Variants in MTUS1 observed in about 807,000 individuals in gnomAD.
The protein encoded by MTUS1 is microtubule-associated tumor suppressor 1.
Under a neutral mutation model 120.8 loss-of-function variants are expected in MTUS1, and 109 were observed. The observed-to-expected ratio is 0.90, with a 90% CI of 0.77 to 1.06. The LOEUF is 1.06. Ranked by LOEUF, MTUS1 falls within the 50% of genes least tolerant of loss-of-function variation. MTUS1 has a pLI of 0.00. For missense variants in MTUS1, 2,210 were observed against 1,486.3 expected (o/e 1.49, Z -8.01); for synonymous variants, 737 against 550.5 (o/e 1.34, Z -4.74).
chr8:17,655,528 A>T (rs1808011454), intron 9 of MTUS1, among the ~76,000 whole-genome samples: 1 of 152,176 alleles, frequency 6.6e-6, no homozygotes, highest in South Asian at 2.1e-4. Context: ...GTTTGAGACC[A>T]GCCTGGCCAA....
intron 3 of MTUS1, among the ~76,000 whole-genome samples, chr8:17,728,652 A>G (rs571053679): frequency 1.6e-4 from 25 of 152,352 alleles, no homozygotes; most frequent in African/African-American, 6.0e-4. Flanking sequence ...TAGTAGGAAC[A>G]CAGGTGGGAA....
chr8:17,720,234 A>T (rs1178803110), intron 4 of MTUS1, among the ~76,000 whole-genome samples: 1 of 151,964 alleles, frequency 6.6e-6, no homozygotes, highest in Non-Finnish European at 1.5e-5. Flanking sequence ...AATCCCAGCT[A>T]CTTGGGAGGT....
intron 1 of MTUS1, among the ~76,000 whole-genome samples, chr8:17,760,573 A>G (rs893515910): frequency 3.3e-5 from 5 of 152,094 alleles, no homozygotes; most frequent in African/African-American, 1.2e-4. Flanking sequence ...AAAGTTGGCC[A>G]TTTTGTTTTA....
At chr8:17,688,784 G>A (rs1387889300) in intron 6 of MTUS1, among the ~76,000 whole-genome samples, 1 of 152,170 alleles carries the variant, frequency 6.6e-6, no homozygotes, top group Non-Finnish European at 1.5e-5. Flanking sequence ...CTCTAAAAGA[G>A]TTAACAGTAA....
rs1410052268 is a variant in MTUS1, at chr8:17,801,060, C to A, written c.-155+1G>T. ...GGGAACAGATTCCAGCGCGCACTTA[C>A]CCGCAGCTCCTTCAAGCGCTCCGGG... On this transcript the variant is annotated splice_donor_variant, in intron 1 of 14. Transcript: ENST00000693296. LOFTEE classifies it low-confidence loss of function (5UTR_SPLICE). The A allele has an allele frequency of 6.6e-6, 1 of 152,360 alleles. No individual in the cohort carries two copies. 9.4% of individuals were successfully genotyped at this position (152,360 alleles called of 1,614,324 possible).
chr8:17,743,732 C>T lies in MTUS1; in HGVS notation c.2159G>A (p.Arg720Lys), dbSNP rs2047517434. Residue 720 changes from arginine to lysine, a missense_variant, in exon 3 of 15, where the codon AGG (arginine) becomes AAG (lysine). Coordinates refer to ENST00000693296, the MANE Select transcript of MTUS1 (RefSeq NM_001363059.2). ...TTTGGCTTTTGGAGCAGCTATTTGC[C>T]TCAAACCGCAGGAGTCAGGCTTGGA... ...NISKPDSCGL[R>K]QIAAPKAKVG... The T allele has an allele frequency of 6.2e-7, 1 of 1,614,020 alleles. No individual in the cohort carries two copies.
chr8:17,734,110 T>C (rs2046775305), intron 3 of MTUS1: 1 of 152,324 alleles, frequency 6.6e-6, no homozygotes, highest in East Asian at 1.9e-4. Context: ...AAACAAGAAC[T>C]TGTCACCTCT....
chr8:17,792,513 A>G lies in MTUS1; in HGVS notation c.-155+8548T>C, dbSNP rs539105025. ...TCATTAACTGACCCTACTCTTTTAA[A>G]TTCAAATTAAGAGTAAGTAAATCCC... On this transcript the variant is annotated intron_variant, in intron 1 of 14. Coordinates refer to ENST00000693296, the MANE Select transcript of MTUS1 (RefSeq NM_001363059.2). Among the ~76,000 whole-genome samples the G allele has an allele frequency of 2.6e-5, 4 of 152,352 alleles. No homozygotes were observed. In the South Asian group the frequency reaches 8.3e-4, roughly 32 times the overall value.
At chr8:17,655,521 T>A (rs1012036313) in intron 9 of MTUS1, among the ~76,000 whole-genome samples, 13 of 152,074 alleles carry the variant, frequency 8.5e-5, no homozygotes, top group African/African-American at 2.9e-4. Context: ...GTTGGGAGTT[T>A]GAGACCAGCC....
intron 6 of MTUS1, among the ~76,000 whole-genome samples, chr8:17,712,989 G>C (rs1277410831): frequency 2.6e-5 from 4 of 152,056 alleles, no homozygotes; most frequent in African/African-American, 9.7e-5. Flanking sequence ...TTTTTTAAAA[G>C]ACTATAACTA....
At chr8:17,751,144 C>G (rs1189214704) in intron 2 of MTUS1, among the ~76,000 whole-genome samples, 1 of 152,060 alleles carries the variant, frequency 6.6e-6, no homozygotes, top group Non-Finnish European at 1.5e-5. Context: ...TGGTGAAACC[C>G]CATCTCTAAT....
intron 2 of MTUS1, among the ~76,000 whole-genome samples, chr8:17,749,560 C>T (rs147460800): frequency 0.013 from 2,012 of 150,368 alleles, 40 homozygotes; most frequent in African/African-American, 0.045. Flanking sequence ...ACTCAAAAGG[C>T]TGAGGCAAGA....
chr8:17,745,107 T>C (rs913705695), intron 2 of MTUS1, among the ~76,000 whole-genome samples: 5 of 152,214 alleles, frequency 3.3e-5, no homozygotes, highest in African/African-American at 1.2e-4. Context: ...AGAGTTTGGC[T>C]TTTTTCATTA....
At chr8:17,654,390 G>C (rs1427283889) in intron 10 of MTUS1, 171 bp downstream of exon 10, 1 of 596,150 alleles carries the variant, frequency 1.7e-6, no homozygotes, top group African/African-American at 1.9e-5. Context: ...ATCCTTAGTG[G>C]GAAAAGGCAT....
At chr8:17,657,297 G>T (rs2979796) in intron 8 of MTUS1, among the ~76,000 whole-genome samples, 2 of 151,152 alleles carry the variant, frequency 1.3e-5, no homozygotes, top group Non-Finnish European at 2.9e-5. Context: ...GACCGGGCGC[G>T]GTGGCTCACG....
chr8:17,734,287 T>C (rs1563288495), intron 3 of MTUS1: 3 of 152,212 alleles, frequency 2.0e-5, no homozygotes, highest in Non-Finnish European at 4.4e-5. Flanking sequence ...ATGTTGCAAA[T>C]AGTGATTTTA....
chr8:17,670,245 AC>A (rs1811742308), intron 8 of MTUS1, among the ~76,000 whole-genome samples: 1 of 152,200 alleles, frequency 6.6e-6, no homozygotes, highest in Non-Finnish European at 1.5e-5. Context: ...GGACTGGCTC[AC>A]CTGGGGGCAG....
intron 1 of MTUS1, among the ~76,000 whole-genome samples, chr8:17,763,052 C>T (rs774936795): frequency 1.3e-5 from 2 of 150,972 alleles, no homozygotes; most frequent in African/African-American, 2.4e-5. Context: ...AGTGTAATGG[C>T]GCAATCTTGG....
At chr8:17,784,422 G>A (rs1262737745) in intron 1 of MTUS1, among the ~76,000 whole-genome samples, 2 of 151,030 alleles carry the variant, frequency 1.3e-5, no homozygotes, top group Admixed American at 1.3e-4. Context: ...CAGCCTCTCA[G>A]GTAGCTGGGA....
Sources: gnomAD v4.1 joint callset for allele counts (sites outside exome capture counted in the v4.1 genomes callset) on GRCh38, gnomAD v4.1.1 for gene constraint, MANE v1.5 for transcripts, NCBI Gene and HGNC (gene_info 2026-07-23, HGNC 2026-07-21) for gene names.